Variants in KLF12 observed in about 807,000 individuals in gnomAD.
KLF12 encodes the protein Krueppel-like factor 12.
In KLF12, 9 loss-of-function variants were observed where a neutral mutation model predicts 37.8. The ratio of observed to expected loss-of-function variants is 0.24; its 90% confidence interval spans 0.14 to 0.42. KLF12 has a LOEUF of 0.42. KLF12 is among the 10% of genes least tolerant of loss of function. The pLI is 1.00. For synonymous variants in KLF12, 208 were observed against 202.1 expected, an observed-to-expected ratio of 1.03 and a Z score of -0.25; for missense variants, 411 against 516.0, an observed-to-expected ratio of 0.80 and a Z score of 1.97.
the KLF12 span, among the ~76,000 whole-genome samples, chr13:74,211,037 A>T: frequency 6.6e-6 from 1 of 152,228 alleles, no homozygotes; most frequent in Non-Finnish European, 1.5e-5. Context: ...GGAGTCTGTA[A>T]GTTCACAGCA....
the KLF12 span, among the ~76,000 whole-genome samples, chr13:74,192,434 A>G: frequency 6.6e-6 from 1 of 152,214 alleles, no homozygotes; most frequent in African/African-American, 2.4e-5. Context: ...TACTTTCCTG[A>G]GATTTACAAA....
chr13:73,916,970 T>C (rs1210348307), intron 3 of KLF12, among the ~76,000 whole-genome samples: 1 of 152,178 alleles, frequency 6.6e-6, no homozygotes, highest in Non-Finnish European at 1.5e-5. Context: ...AGCGGTTATT[T>C]TGAAGGTAGG....
intron 3 of KLF12, among the ~76,000 whole-genome samples, chr13:73,890,108 T>TA (rs1461018763): frequency 6.6e-6 from 1 of 152,024 alleles, no homozygotes; most frequent in Non-Finnish European, 1.5e-5. Context: ...AGTAGGAGCA[T>TA]ATCTGGTCTT....
chr13:74,170,996 C>T, the KLF12 span, among the ~76,000 whole-genome samples: 1 of 152,104 alleles, frequency 6.6e-6, no homozygotes, highest in Non-Finnish European at 1.5e-5. Context: ...AACTCCTGAC[C>T]TCAGGTGATC....
chr13:74,030,667 T>C (rs1266806424), intron 1 of KLF12, among the ~76,000 whole-genome samples: 3 of 152,102 alleles, frequency 2.0e-5, no homozygotes, highest in African/African-American at 7.2e-5. Flanking sequence ...TAGAAGCCTA[T>C]AGCAAACAAT....
At position 73,832,441 on chromosome 13, in the gene KLF12, C is replaced by T. The variant is rs80149999; in HGVS notation, c.670+13386G>A. Among the ~76,000 whole-genome samples the T allele has an allele frequency of 4.5e-3, 692 of 152,260 alleles. 4 individuals carry two copies. Among genetic ancestry groups the T allele is most frequent in the East Asian group, 0.014 (70 of 5,180 alleles). On this transcript the variant is annotated intron_variant, in intron 4 of 7. Transcript: ENST00000377669. The stretch of plus-strand genomic sequence containing the variant: ...AAAAGGTCTCTGTGTTTACAGAGGA[C>T]TGATTCACAGCATTCACGTCTGACA...
rs5804694 is a variant in KLF12, at chr13:73,796,507, CTGTGTGTGTGTGTGTG to C, written c.806+16629_806+16644del. On this transcript the variant is annotated intron_variant, in intron 5 of 7. Coordinates refer to ENST00000377669, the MANE Select transcript of KLF12 (RefSeq NM_007249.5). ...CTGTCTCTTTCTCCCTGCCCCTGTG[CTGTGTGTGTGTGTGTG>C]TGTGTGTGTGTGTGTGTGTGTGTGT... Among the ~76,000 whole-genome samples the C allele has an allele frequency of 9.3e-3, 1,300 of 140,362 alleles. 24 individuals carry two copies. The highest frequency in any genetic ancestry group is 0.033 in the African/African-American group (1,237 of 37,952). The allele number at this position is 140,362 out of a possible 152,430, so 92.1% of individuals were successfully genotyped here.
At position 74,002,766 on chromosome 13, in the gene KLF12, G is replaced by A. The variant is rs568965739; in HGVS notation, c.-31-7713C>T. On this transcript the variant is annotated intron_variant, in intron 1 of 7. Coordinates refer to ENST00000377669, the MANE Select transcript of KLF12 (RefSeq NM_007249.5). ...AACCATATTCTAGCAACTGCTGGCA[G>A]GTAATAAAAGTCACTGATTTATAAT... is the stretch of plus-strand genomic sequence containing the variant. Among the ~76,000 whole-genome samples, 3 of 152,286 alleles carry A rather than the reference G, an allele frequency of 2.0e-5. No individual in the cohort carries two copies. The East Asian group carries it at 5.8e-4, about 29-fold the overall frequency.
At chr13:74,100,961 G>C (rs1219965576) in intron 1 of KLF12, among the ~76,000 whole-genome samples, 1 of 152,180 alleles carries the variant, frequency 6.6e-6, no homozygotes, top group East Asian at 1.9e-4. Context: ...CTCCCTGTCA[G>C]AAATCTCATC....
chr13:73,772,656 C>T (rs2325561), intron 5 of KLF12, among the ~76,000 whole-genome samples: 84,218 of 151,930 alleles, frequency 0.55, 24,248 homozygotes, highest in Non-Finnish European at 0.65. Context: ...TTACAGGTGT[C>T]GTGTGTTGTG....
At chr13:74,020,678 C>T (rs1892819621) in intron 1 of KLF12, among the ~76,000 whole-genome samples, 1 of 151,964 alleles carries the variant, frequency 6.6e-6, no homozygotes, top group Admixed American at 6.6e-5. Flanking sequence ...ATCACGAGGT[C>T]AGGAGATTGA....
intron 1 of KLF12, among the ~76,000 whole-genome samples, chr13:74,090,262 C>T (rs952558335): frequency 2.0e-5 from 3 of 151,782 alleles, no homozygotes; most frequent in Non-Finnish European, 4.4e-5. Flanking sequence ...CTGGAAACTA[C>T]AAAAAAATTA....
At chr13:73,946,249 CAA>C (rs1890417563) in intron 2 of KLF12, among the ~76,000 whole-genome samples, 1 of 152,096 alleles carries the variant, frequency 6.6e-6, no homozygotes, top group African/African-American at 2.4e-5. Context: ...GGAGAAAAGA[CAA>C]AGAGCGATTC....
At chr13:73,795,400 C>T (rs562961089) in intron 5 of KLF12, among the ~76,000 whole-genome samples, 2 of 152,306 alleles carry the variant, frequency 1.3e-5, no homozygotes, top group African/African-American at 4.8e-5. Context: ...CTGTCTCCTC[C>T]ACAAACCTAG....
At chr13:73,991,033 T>C (rs1009105910) in intron 2 of KLF12, among the ~76,000 whole-genome samples, 3 of 152,176 alleles carry the variant, frequency 2.0e-5, no homozygotes, top group Admixed American at 1.3e-4. Context: ...GCTATTTCTC[T>C]CCTTCAATAA....
intron 3 of KLF12, among the ~76,000 whole-genome samples, chr13:73,915,830 C>A (rs756095028): frequency 6.6e-6 from 1 of 151,604 alleles, no homozygotes; most frequent in Non-Finnish European, 1.5e-5. Context: ...CGGCGCCTGG[C>A]CTTTTTCAGT....
chr13:73,867,184 A>G (rs1886216672), intron 3 of KLF12, among the ~76,000 whole-genome samples: 1 of 152,162 alleles, frequency 6.6e-6, no homozygotes, highest in Non-Finnish European at 1.5e-5. Flanking sequence ...TTTAAGAAAA[A>G]CTTAAATGTA....
At chr13:74,169,858 A>T in the KLF12 span, among the ~76,000 whole-genome samples, 1 of 152,198 alleles carries the variant, frequency 6.6e-6, no homozygotes, top group African/African-American at 2.4e-5. Context: ...TGCTTGCTTC[A>T]ACTTCAGGCT....
chr13:74,287,960 C>A, the KLF12 span, among the ~76,000 whole-genome samples: 2 of 152,052 alleles, frequency 1.3e-5, no homozygotes, highest in East Asian at 1.9e-4. Flanking sequence ...TAGAGCTCCA[C>A]CCCCCTCCCA....
Sources: gnomAD v4.1 joint callset for allele counts (sites outside exome capture counted in the v4.1 genomes callset) on GRCh38, gnomAD v4.1.1 for gene constraint, MANE v1.5 for transcripts, NCBI Gene and HGNC (gene_info 2026-07-23, HGNC 2026-07-21) for gene names.